The following NACC2 variants were observed in gnomAD, a reference collection of about 807,000 sequenced individuals.
NACC2 encodes nucleus accumbens-associated protein 2.
A neutral mutation model predicts 25.1 loss-of-function variants in NACC2; 8 were observed. The observed-to-expected ratio is 0.32, with a 90% confidence interval of 0.19 to 0.57. The LOEUF is 0.57. Ranked by LOEUF, NACC2 falls within the 20% of genes least tolerant of loss-of-function variation. The pLI, the probability that NACC2 is intolerant of heterozygous loss-of-function variation, is 0.89. For missense variants in NACC2, 644 were observed against 650.2 expected, an observed-to-expected ratio of 0.99 and a Z score of 0.10; for synonymous variants, 435 against 294.7, an observed-to-expected ratio of 1.48 and a Z score of -4.88.
intron 1 of NACC2, among the ~76,000 whole-genome samples, chr9:136,090,919 T>C (rs372000175): frequency 2.0e-5 from 3 of 152,048 alleles, no homozygotes; most frequent in African/African-American, 4.8e-5. Flanking sequence ...GGCCCCTCTG[T>C]TCCCCGCCCC....
At chr9:136,035,874 T>C (rs1356851397) in intron 2 of NACC2, among the ~76,000 whole-genome samples, 2 of 152,214 alleles carry the variant, frequency 1.3e-5, no homozygotes, top group African/African-American at 4.8e-5. Context: ...TCCGTACTTA[T>C]CTTACAACTT....
At chr9:136,012,751 C>G (rs1488073321) in intron 5 of NACC2, among the ~76,000 whole-genome samples, 1 of 149,490 alleles carries the variant, frequency 6.7e-6, no homozygotes, top group African/African-American at 2.5e-5. Context: ...CCACCTGGTG[C>G]GAGCCGGCAG....
In NACC2 at chr9:136,007,461, AGACG is replaced by A. The variant is rs759670775; in HGVS notation, c.*4051_*4054del. 1 of 119,052 alleles carries A rather than the reference AGACG, an allele frequency of 8.4e-6. No homozygotes were observed. Among genetic ancestry groups the A allele is most frequent in the Non-Finnish European group, 1.9e-5 (1 of 51,948 alleles). The allele number at this position is 119,052 out of a possible 1,614,324, so 7.4% of individuals were successfully genotyped here. A position where few individuals can be genotyped will look rare whatever the true frequency, so the allele number is the denominator to read the frequency against. On this transcript the variant is annotated 3_prime_UTR_variant, in exon 6 of 6. Coordinates refer to ENST00000277554, the MANE Select transcript of NACC2 (RefSeq NM_144653.5). ...CAGACGCGCACACACACGCGCACAC[AGACG>A]CACACACACAGACGCACACACGCAC...
At chr9:136,068,499 C>CAA (rs58780352) in intron 1 of NACC2, among the ~76,000 whole-genome samples, 3,843 of 99,836 alleles carry the variant, frequency 0.038, 159 homozygotes, top group East Asian at 0.19. Flanking sequence ...AACTCCGTCT[C>CAA]AAAAAAAAAA....
rs1192910616 is a variant in NACC2, at chr9:136,049,890, G to A, written c.632C>T (p.Ala211Val). The change falls in exon 2 of 6, where the codon GCG becomes GTG. Residue 211 changes from alanine to valine, a missense_variant. Ala to Val is a moderately conservative substitution (Grantham distance 64). Transcript: ENST00000277554. ...GGGCAGTTTGAGAGGGGCTGTGCCC[G>A]CCGCCACCGCAGCCCCCGCGGCCAC... Reference protein sequence around the residue: ...VAVAAGAAVAAGTAPLKLPRV... With the variant: ...VAVAAGAAVAVGTAPLKLPRV... 4 of 591,950 alleles carry A rather than the reference G, an allele frequency of 6.8e-6. No individual in the cohort carries two copies. Among genetic ancestry groups the A allele is most frequent in the Non-Finnish European group, 9.2e-6 (3 of 327,674 alleles). 36.7% of individuals were successfully genotyped at this position (591,950 alleles called of 1,614,324 possible). A position where few individuals can be genotyped will look rare whatever the true frequency, so the allele number is the denominator to read the frequency against.
chr9:136,042,935 GAGAC>G (rs1220877156), intron 2 of NACC2, among the ~76,000 whole-genome samples: 8 of 132,890 alleles, frequency 6.0e-5, no homozygotes, highest in East Asian at 2.2e-4. Flanking sequence ...GACACACACA[GAGAC>G]AGACAGACAC....
In NACC2 at chr9:136,011,789, G is replaced by A. The variant is rs9753; in HGVS notation, c.1491C>T (p.Ala497=). 0.11 allele frequency: 176,628 copies of A among 1,553,772 alleles called. 10,941 individuals are homozygous for A. Among genetic ancestry groups the A allele is most frequent in the East Asian group, 0.22 (9,264 of 42,260 alleles). ...AAQVFEQRIY[A]ERRGDAATIV... ...TGGTGGCGGCGTCGCCCCGCCGCTC[G>A]GCGTAGATGCGTTGCTCGAACACCT... Residue 497 remains alanine, a synonymous_variant, in exon 6 of 6, where the codon GCC becomes GCT. Coordinates refer to ENST00000277554, the MANE Select transcript of NACC2 (RefSeq NM_144653.5).
chr9:136,088,076 G>A (rs7035843), intron 1 of NACC2, among the ~76,000 whole-genome samples: 6,406 of 152,266 alleles, frequency 0.042, 428 homozygotes, highest in African/African-American at 0.15. Flanking sequence ...TCTCATGCAC[G>A]GAGGTCAGCA....
At position 136,084,904 on chromosome 9, in the gene NACC2, A is replaced by G. The variant is rs900565766; in HGVS notation, c.-60+10285T>C. Among the ~76,000 whole-genome samples the G allele has an allele frequency of 7.9e-5, 12 of 152,156 alleles. No individual in the cohort carries two copies. Among genetic ancestry groups the G allele is most frequent in the African/African-American group, 2.9e-4 (12 of 41,430 alleles). On this transcript the variant is annotated intron_variant, in intron 1 of 5. Coordinates refer to ENST00000277554, the MANE Select transcript of NACC2 (RefSeq NM_144653.5). This position sits in a 1 kb window ranked among gnomAD's most constrained non-coding sequence, Gnocchi z 5.1. ...GCAGGCCTACAGAGACAGGAAGTAG[A>G]AAGGTGCCTGCCAGGGGCTGGGGCA...
chr9:136,044,603 C>T (rs1050717033), intron 2 of NACC2, among the ~76,000 whole-genome samples: 3 of 152,298 alleles, frequency 2.0e-5, no homozygotes, highest in Non-Finnish European at 1.5e-5. Flanking sequence ...ACAGTGCGGA[C>T]GCCCCCGTCC....
chr9:136,067,194 C>T (rs1057299273), intron 1 of NACC2, among the ~76,000 whole-genome samples: 4 of 147,360 alleles, frequency 2.7e-5, no homozygotes, highest in East Asian at 2.1e-4. Context: ...GCGGACGTTG[C>T]GGTGAGCCAA....
intron 1 of NACC2, among the ~76,000 whole-genome samples, chr9:136,075,813 C>T (rs562142720): frequency 4.6e-5 from 7 of 152,300 alleles, no homozygotes; most frequent in African/African-American, 9.6e-5. Context: ...CTCTGAGGCT[C>T]GGGACACAAG....
chr9:136,024,204 CAG>C (rs377344825), intron 2 of NACC2, among the ~76,000 whole-genome samples: 1,680 of 56,918 alleles, frequency 0.03, 48 homozygotes, highest in Middle Eastern at 0.067. Flanking sequence ...TGTGTGAGGA[CAG>C]AGTGTGTGTG....
chr9:136,073,271 T>G (rs1830220232), intron 1 of NACC2, among the ~76,000 whole-genome samples: 1 of 151,524 alleles, frequency 6.6e-6, no homozygotes, highest in Non-Finnish European at 1.5e-5. Context: ...GTACAAAAAA[T>G]AAAAATAAAC....
chr9:136,023,067 AGAG>A (rs1840318032), intron 2 of NACC2, among the ~76,000 whole-genome samples: 1 of 1,620 alleles, frequency 6.2e-4, no homozygotes, highest in Non-Finnish European at 1.2e-3. Flanking sequence ...GAAGGAGGGA[AGAG>A]GGAGGGAGGA....
Position 136,050,435 on chromosome 9 carries a change from G to A in NACC2, c.87C>T (p.Tyr29=), listed in dbSNP as rs1455128997. Residue 29 remains tyrosine, a synonymous_variant, in exon 2 of 6, where the codon TAC becomes TAT. Coordinates refer to ENST00000277554, the MANE Select transcript of NACC2 (RefSeq NM_144653.5). The part of the protein sequence containing the change: ...CLNEQRLLGL[Y]CDVSIVVKGQ... ...CCTTGACCACGATGGACACATCGCA[G>A]TAGAGGCCCAGCAGGCGCTGCTCGT... 5.2e-6 allele frequency: 4 copies of A among 766,914 alleles called. No individual in the cohort carries two copies. Among genetic ancestry groups the A allele is most frequent in the Non-Finnish European group, 9.6e-6 (4 of 417,220 alleles). 47.5% of individuals were successfully genotyped at this position (766,914 alleles called of 1,614,324 possible). A position where few individuals can be genotyped will look rare whatever the true frequency, so the allele number is the denominator to read the frequency against.
chr9:136,013,085 G>GGGACGGAAGCTGCAGGT lies in NACC2; in HGVS notation c.1255+97_1255+113dup. On this transcript the variant is annotated intron_variant, in intron 5 of 5. Coordinates refer to ENST00000277554, the MANE Select transcript of NACC2 (RefSeq NM_144653.5). The surrounding 1 kb of genome is among the most constrained non-coding windows in gnomAD (Gnocchi z 6.6). The stretch of plus-strand genomic sequence containing the variant: ...TCAATCAGACCATGCTCGGCCCCCA[G>GGGACGGAAGCTGCAGGT]GGACGGAAGCTGCAGGTGGCCGGGA... 1.2e-6 allele frequency: 1 copy of GGGACGGAAGCTGCAGGT among 813,476 alleles called. No homozygotes were observed. The highest frequency in any genetic ancestry group is 2.0e-6 in the Non-Finnish European group (1 of 507,776). The allele number at this position is 813,476 out of a possible 1,614,324, so 50.4% of individuals were successfully genotyped here.
chr9:136,075,349 C>T (rs769895404), intron 1 of NACC2, among the ~76,000 whole-genome samples: 3 of 152,198 alleles, frequency 2.0e-5, no homozygotes, highest in African/African-American at 4.8e-5. Context: ...CTAGCTCCCC[C>T]GAGGCTGGCT....
At position 136,055,796 on chromosome 9, in the gene NACC2, T is replaced by C. The variant is rs1187948073; in HGVS notation, c.-59-5216A>G. 2.6e-5 allele frequency among the ~76,000 whole-genome samples: 4 copies of C among 152,144 alleles called. No individual in the cohort carries two copies. The highest frequency in any genetic ancestry group is 9.7e-5 in the African/African-American group (4 of 41,408). On this transcript the variant is annotated intron_variant, in intron 1 of 5. Coordinates refer to ENST00000277554, the MANE Select transcript of NACC2 (RefSeq NM_144653.5). The surrounding 1 kb of genome is among the most constrained non-coding windows in gnomAD (Gnocchi z 4.9). ...AACGTTCTGCGGAGGGGAGAGTCCCTCTACCCCGAGCCCCGGCCCCTGGTG... is the reference window on the plus strand; with the variant it reads ...AACGTTCTGCGGAGGGGAGAGTCCCCCTACCCCGAGCCCCGGCCCCTGGTG...
Sources: gnomAD v4.1 joint callset for allele counts (sites outside exome capture counted in the v4.1 genomes callset) on GRCh38, gnomAD v4.1.1 for gene constraint, Gnocchi (gnomAD v3.1) non-coding constraint, MANE v1.5 for transcripts, NCBI Gene and HGNC (gene_info 2026-07-23, HGNC 2026-07-21) for gene names.